SH3D19: variants seen among roughly 807,000 people sequenced by gnomAD.
SH3D19 encodes the protein SH3 domain-containing protein 19.
A neutral mutation model predicts 112.1 loss-of-function variants in SH3D19; 58 were observed. The observed-to-expected ratio is 0.52, with a 90% CI of 0.42 to 0.64. The LOEUF (loss-of-function observed/expected upper bound fraction) is 0.64, where lower values mean the gene tolerates loss of function less well. SH3D19 is among the 30% of genes least tolerant of loss of function. The pLI, the probability that SH3D19 is intolerant of heterozygous loss-of-function variation, is 0.00. For synonymous variants in SH3D19, 391 were observed against 448.5 expected (o/e 0.87, Z 1.62); for missense variants, 1,090 against 1,263.4 (o/e 0.86, Z 2.08).
chr4:151,246,041 CA>C (rs34182905), intron 1 of SH3D19, among the ~76,000 whole-genome samples: 1,233 of 75,518 alleles, frequency 0.016, 8 homozygotes, highest in African/African-American at 0.04. Context: ...TGAAGACATA[CA>C]AAAAAAAAAA....
chr4:151,283,054 C>G, intron 1 of SH3D19: 1 of 1,507,478 alleles, frequency 6.6e-7, no homozygotes, highest in Non-Finnish European at 9.2e-7. Flanking sequence ...CACATCATGA[C>G]TGAATGCTGC....
At chr4:151,167,024 C>G (rs1018226369) in intron 7 of SH3D19, among the ~76,000 whole-genome samples, 1 of 151,896 alleles carries the variant, frequency 6.6e-6, no homozygotes, top group Non-Finnish European at 1.5e-5. Context: ...GGAAGGGTCC[C>G]CAGATGGCAA....
intron 1 of SH3D19, among the ~76,000 whole-genome samples, chr4:151,236,884 A>C (rs1024095769): frequency 6.6e-6 from 1 of 152,204 alleles, no homozygotes; most frequent in African/African-American, 2.4e-5. Flanking sequence ...CGGACTAATC[A>C]GCTCTCTGTA....
rs539854026 is a variant in SH3D19 at position 151,276,955 on chromosome 4, G to A, written c.112+48286C>T. Among the ~76,000 whole-genome samples the A allele has an allele frequency of 2.6e-5, 4 of 152,216 alleles. No individual in the cohort carries two copies. The East Asian group carries it at 7.7e-4, about 29-fold the overall frequency. On this transcript the variant is annotated intron_variant, in intron 1 of 19. Coordinates refer to ENST00000604030, the MANE Select transcript of SH3D19 (RefSeq NM_001378122.1). ...ACCCTGCTCTCCCAGGACAGCAGGG[G>A]GCGCCACAGACCCCAGTTCCTCCCC...
intron 14 of SH3D19, among the ~76,000 whole-genome samples, chr4:151,135,801 C>T (rs993235375): frequency 2.0e-5 from 3 of 152,114 alleles, no homozygotes; most frequent in Non-Finnish European, 2.9e-5. Flanking sequence ...GGCATTAGCC[C>T]TGCCACACCT....
chr4:151,296,724 C>T (rs1775741433), intron 1 of SH3D19, among the ~76,000 whole-genome samples: 1 of 152,126 alleles, frequency 6.6e-6, no homozygotes, highest in African/African-American at 2.4e-5. Context: ...TTTCACACAT[C>T]TTGAGAAATT....
At chr4:151,230,226 C>G (rs916954350) in intron 1 of SH3D19, among the ~76,000 whole-genome samples, 3 of 152,200 alleles carry the variant, frequency 2.0e-5, no homozygotes, top group African/African-American at 7.2e-5. Flanking sequence ...CTGGCACAGA[C>G]AGTTTTTGGG....
Position 151,325,252 on chromosome 4 carries a change from T to TGGCCCGAGA in SH3D19, c.92_100dup (p.Leu31_Gly33dup). On this transcript the variant is annotated inframe_insertion, in exon 1 of 20. Transcript: ENST00000604030. ...CCCGCGCCTCTCACCTGCGGCCGAG[T>TGGCCCGAGA]GGCCCGAGAGCGCACGGCCCCGGGC... The TGGCCCGAGA allele has an allele frequency of 8.2e-7, 1 of 1,221,090 alleles. No homozygotes were observed. Among genetic ancestry groups the TGGCCCGAGA allele is most frequent in the African/African-American group, 1.6e-5 (1 of 63,968 alleles). 75.6% of individuals were successfully genotyped at this position (1,221,090 alleles called of 1,614,324 possible).
intron 1 of SH3D19, among the ~76,000 whole-genome samples, chr4:151,247,159 T>C (rs903839787): frequency 6.6e-6 from 1 of 152,230 alleles, no homozygotes; most frequent in African/African-American, 2.4e-5. Context: ...TTCTCTCAGA[T>C]TTTTGTTTCA....
At chr4:151,258,883 C>T (rs927729269) in intron 1 of SH3D19, among the ~76,000 whole-genome samples, 10 of 152,094 alleles carry the variant, frequency 6.6e-5, no homozygotes, top group Non-Finnish European at 1.3e-4. Context: ...GACAGAGACA[C>T]GGGCACTGCT....
chr4:151,209,246 A>T (rs191211236), intron 2 of SH3D19, among the ~76,000 whole-genome samples: 1 of 151,822 alleles, frequency 6.6e-6, no homozygotes, highest in Non-Finnish European at 1.5e-5. Context: ...GAGTGGTTCT[A>T]CCAATACAGG....
intron 2 of SH3D19, among the ~76,000 whole-genome samples, chr4:151,222,667 C>CTCTCTCTCTCTCTTTT (rs386401881): frequency 1.1e-5 from 1 of 87,242 alleles, no homozygotes; most frequent in African/African-American, 4.5e-5. Context: ...CTCTCTCTCT[C>CTCTCTCTCTCTCTTTT]TTTTTTTTTT....
At position 151,294,033 on chromosome 4, in the gene SH3D19, C is replaced by G. The variant is rs537636530; in HGVS notation, c.112+31208G>C. Among the ~76,000 whole-genome samples, 104 of 152,334 alleles carry G rather than the reference C, an allele frequency of 6.8e-4. 2 individuals are homozygous for G. The Middle Eastern group carries it at 0.024, about 35-fold the overall frequency. ...GGACAGGTCCTCCTAATTCTCATAG[C>G]ACTATGAAGCCCTCCTTTATAGAAC... is the stretch of plus-strand genomic sequence containing the variant. On this transcript the variant is annotated intron_variant, in intron 1 of 19. Coordinates refer to ENST00000604030, the MANE Select transcript of SH3D19 (RefSeq NM_001378122.1).
At chr4:151,270,781 T>C (rs1012661497) in intron 1 of SH3D19, among the ~76,000 whole-genome samples, 2 of 152,208 alleles carry the variant, frequency 1.3e-5, no homozygotes, top group Non-Finnish European at 2.9e-5. Context: ...TGACTGTATA[T>C]GGACTAATTC....
intron 2 of SH3D19, among the ~76,000 whole-genome samples, chr4:151,189,902 G>A (rs926156518): frequency 2.0e-5 from 3 of 152,182 alleles, no homozygotes; most frequent in Non-Finnish European, 4.4e-5. Flanking sequence ...GAATAGTTTG[G>A]AGGGTTCAGA....
Position 151,250,877 on chromosome 4 carries a change from T to C in SH3D19, c.113-24791A>G, listed in dbSNP as rs775414868. ...GGCCCAAAAAGGAGCACAGTTTGGC[T>C]GGATACGTCGTTAGCTGAGGATCAG... On this transcript the variant is annotated intron_variant, in intron 1 of 19. Transcript: ENST00000604030. Among the ~76,000 whole-genome samples the C allele has an allele frequency of 2.6e-5, 4 of 152,202 alleles. No individual in the cohort carries two copies. In the South Asian group the frequency reaches 6.2e-4, roughly 24 times the overall value.
intron 2 of SH3D19, among the ~76,000 whole-genome samples, chr4:151,210,717 A>G (rs566954169): frequency 3.9e-5 from 6 of 152,264 alleles, no homozygotes; most frequent in Non-Finnish European, 7.4e-5. Flanking sequence ...TATTTTTTTT[A>G]AAGTACACCA....
chr4:151,316,921 G>A (rs1730045580), intron 1 of SH3D19, among the ~76,000 whole-genome samples: 1 of 152,176 alleles, frequency 6.6e-6, no homozygotes, highest in South Asian at 2.1e-4. Flanking sequence ...GAAACTACCT[G>A]ACACGTATTT....
At chr4:151,147,112 G>A (rs928272967) in intron 11 of SH3D19, among the ~76,000 whole-genome samples, 3 of 152,236 alleles carry the variant, frequency 2.0e-5, no homozygotes, top group Middle Eastern at 3.4e-3. Flanking sequence ...GCCAGGAGTG[G>A]AGGCATGTTC....
Sources: allele counts gnomAD v4.1 joint callset (sites outside exome capture counted in the v4.1 genomes callset), GRCh38; gene constraint gnomAD v4.1.1; transcripts MANE v1.5; gene names NCBI Gene and HGNC (gene_info 2026-07-23, HGNC 2026-07-21).